The following KDM5B variants were observed in gnomAD, a reference collection of about 807,000 sequenced individuals.
KDM5B encodes the protein lysine-specific demethylase 5B.
A neutral mutation model predicts 193.4 loss-of-function variants in KDM5B; 144 were observed. The observed-to-expected ratio is 0.74, with a 90% CI of 0.65 to 0.86. The LOEUF is 0.86. Among genes scored for constraint, KDM5B ranks in the 40% least tolerant of loss-of-function variants. The pLI, the probability that KDM5B is intolerant of heterozygous loss-of-function variation, is 0.00. For synonymous variants in KDM5B, 668 were observed against 682.6 expected, an observed-to-expected ratio of 0.98 and a Z score of 0.33; for missense variants, 1,833 against 1,886.9, an observed-to-expected ratio of 0.97 and a Z score of 0.53.
At chr1:202,776,970 C>T (rs915146040) in intron 2 of KDM5B, 47 bp downstream of exon 2, 8 of 1,162,598 alleles carry the variant, frequency 6.9e-6, no homozygotes, top group East Asian at 4.7e-5. Context: ...ATTTCAAAGA[C>T]GGTCCCCCTG....
intron 1 of KDM5B, among the ~76,000 whole-genome samples, chr1:202,801,241 T>TA (rs1366718337): frequency 6.9e-6 from 1 of 145,600 alleles, no homozygotes; most frequent in Non-Finnish European, 1.5e-5. Context: ...GATTAGTTTT[T>TA]ATATCCGAAA....
At chr1:202,742,243 A>G in intron 18 of KDM5B, 148 bp downstream of exon 18, 1 of 581,580 alleles carries the variant, frequency 1.7e-6, no homozygotes, top group Non-Finnish European at 3.0e-6. Flanking sequence ...CTCTTTATAT[A>G]CATATACCAC....
intron 4 of KDM5B, among the ~76,000 whole-genome samples, chr1:202,771,351 C>T (rs1367684235): frequency 6.6e-6 from 1 of 151,336 alleles, no homozygotes. Flanking sequence ...CCTGCCTCAG[C>T]CTCCCAAGTA....
In KDM5B at chr1:202,741,565, T is replaced by G; in HGVS notation, c.2747A>C (p.Gln916Pro). The change falls in exon 19 of 27, where the codon CAA becomes CCA. Residue 916 changes from glutamine to proline, a missense_variant. Transcript: ENST00000367265. The stretch of plus-strand genomic sequence containing the variant: ...CTGCACCTCTTCTAGCCAACGGGCT[T>G]GTTCCAAACGGATACGCATCTCAGC... The part of the protein sequence containing the change: ...QLAEMRIRLE[Q>P]ARWLEEVQQA... 1 of 1,614,256 alleles carries G rather than the reference T, an allele frequency of 6.2e-7. No individual in the cohort carries two copies. Among genetic ancestry groups the G allele is most frequent in the Admixed American group, 1.7e-5 (1 of 60,032 alleles).
intron 24 of KDM5B, 139 bp from the exon 25 acceptor site, chr1:202,731,202 T>G: frequency 1.5e-6 from 1 of 650,342 alleles, no homozygotes; most frequent in Non-Finnish European, 2.5e-6. Flanking sequence ...TTACCTTCAG[T>G]TGAAGTGAGG....
At chr1:202,763,333 TTTAATCC>T (rs1656325522) in intron 6 of KDM5B, among the ~76,000 whole-genome samples, 1 of 152,204 alleles carries the variant, frequency 6.6e-6, no homozygotes, top group African/African-American at 2.4e-5. Context: ...CCATAAAGTA[TTTAATCC>T]TTCACAACAA....
At chr1:202,803,037 G>A (rs1344895698) in intron 1 of KDM5B, among the ~76,000 whole-genome samples, 1 of 151,874 alleles carries the variant, frequency 6.6e-6, no homozygotes, top group African/African-American at 2.4e-5. Context: ...CTGAGAAACC[G>A]CATCCCTACA....
At chr1:202,800,074 T>C (rs1658012218) in intron 1 of KDM5B, among the ~76,000 whole-genome samples, 1 of 152,234 alleles carries the variant, frequency 6.6e-6, no homozygotes, top group Admixed American at 6.5e-5. Flanking sequence ...AGACGGAGTC[T>C]TGCTCTGTCA....
chr1:202,729,568 T>A (rs1313462354), intron 26 of KDM5B, 139 bp downstream of exon 26: 1 of 684,688 alleles, frequency 1.5e-6, no homozygotes, highest in Non-Finnish European at 2.4e-6. Flanking sequence ...CAGATATCAG[T>A]GGGGGAAGGG....
chr1:202,760,663 A>C, intron 7 of KDM5B, 90 bp from the exon 8 acceptor site: 2 of 879,766 alleles, frequency 2.3e-6, no homozygotes, highest in Non-Finnish European at 3.4e-6. Context: ...TCTGAGACAT[A>C]ATCTAGTCTC....
Position 202,733,418 on chromosome 1 carries a change from C to T in KDM5B, c.3892G>A (p.Val1298Met), listed in dbSNP as rs766536259. ...AGATTCACCTTGTTTGTGTCTGACA[C>T]CTGTCCTGCTGAGGCTTGCCATCTG... ...YSRWQASAGQ[V>M]SDTNKVSQPP... is the part of the protein sequence containing the mutation. The change falls in exon 23 of 27, where the codon GTG becomes ATG. Residue 1298 changes from valine to methionine, a missense_variant. Physicochemically the swap from Val to Met is conservative, Grantham distance 21 (BLOSUM62 1). This residue lies in a region of KDM5B where 1,379 missense variants were observed against 1,349.6 expected (regional missense o/e 1.02). Coordinates refer to ENST00000367265, the MANE Select transcript of KDM5B (RefSeq NM_006618.5). 8.1e-6 allele frequency: 13 copies of T among 1,612,262 alleles called. No individual in the cohort carries two copies. The highest frequency in any genetic ancestry group is 1.0e-5 in the Non-Finnish European group (12 of 1,178,386).
intron 1 of KDM5B, among the ~76,000 whole-genome samples, chr1:202,787,311 A>AGTTTCG (rs1408264242): frequency 6.6e-6 from 1 of 152,054 alleles, no homozygotes; most frequent in African/African-American, 2.4e-5. Context: ...CATCCGACCA[A>AGTTTCG]GTTTCCCTTT....
At position 202,729,071 on chromosome 1, in the gene KDM5B, G is replaced by A. The variant is rs377525543; in HGVS notation, c.4600C>T (p.Arg1534Cys). ...MAEKEDYICV[R>C]CTVKDAPSRK is the part of the protein sequence containing the mutation. ...CTTGGTGCGTCCTTCACAGTACAGC[G>A]CACACAGATGTAGTCTTCTTTCTCT... The change falls in exon 27 of 27, where the codon CGC (arginine) becomes TGC (cysteine). Residue 1534 changes from arginine (R) to cysteine (C), a missense_variant. Arg to Cys is a radical substitution (Grantham distance 180). This residue lies in a region of KDM5B where 1,379 missense variants were observed against 1,349.6 expected (regional missense o/e 1.02). Coordinates refer to ENST00000367265, the MANE Select transcript of KDM5B (RefSeq NM_006618.5). 33 of 1,613,850 alleles carry A rather than the reference G, an allele frequency of 2.0e-5. No individual in the cohort carries two copies. The highest frequency in any genetic ancestry group is 4.5e-5 in the East Asian group (2 of 44,892).
At position 202,805,120 on chromosome 1, in the gene KDM5B, G is replaced by C. The variant is rs1658240491; in HGVS notation, c.204+2982C>G. On this transcript the variant is annotated intron_variant, in intron 1 of 26. Transcript: ENST00000367265. ...ACAGACATCTAAGTACAGTATCATG[G>C]AGGAAATTAAAAATTTGCATTTTAA... 2.6e-5 allele frequency among the ~76,000 whole-genome samples: 4 copies of C among 152,086 alleles called. No individual in the cohort carries two copies. The South Asian group carries it at 8.3e-4, about 32-fold the overall frequency.
chr1:202,738,798 C>T (rs1002662223), intron 20 of KDM5B, among the ~76,000 whole-genome samples: 4 of 152,066 alleles, frequency 2.6e-5, no homozygotes, highest in African/African-American at 7.2e-5. Flanking sequence ...TTCAGCCAGT[C>T]GTCTGAAAAC....
At chr1:202,731,790 T>C (rs1346883229) in intron 24 of KDM5B, 38 bp downstream of exon 24, 8 of 1,377,888 alleles carry the variant, frequency 5.8e-6, no homozygotes, top group Non-Finnish European at 7.3e-6. Context: ...AGATCACTCA[T>C]TACTATCCAG....
At chr1:202,806,864 G>A (rs950782532) in intron 1 of KDM5B, 10 of 152,262 alleles carry the variant, frequency 6.6e-5, no homozygotes, top group Non-Finnish European at 1.0e-4. Flanking sequence ...CAGCAGGAAA[G>A]GCAGTTAAAC....
In KDM5B at chr1:202,742,637, G is replaced by T. The variant is rs566422472; in HGVS notation, c.2474+18C>A. 3 of 1,612,348 alleles carry T rather than the reference G, an allele frequency of 1.9e-6. No individual in the cohort carries two copies. The highest frequency in any genetic ancestry group is 2.5e-6 in the Non-Finnish European group (3 of 1,178,934). On this transcript the variant is annotated intron_variant, in intron 17 of 26. Coordinates refer to ENST00000367265, the MANE Select transcript of KDM5B (RefSeq NM_006618.5). ...TAGGTGCCAAAGAATCCAAACTCAC[G>T]CAGTCAGAAGCGCATACCTAGTTTG...
chr1:202,778,579 GA>G (rs1252030799), intron 1 of KDM5B, among the ~76,000 whole-genome samples: 1 of 152,008 alleles, frequency 6.6e-6, no homozygotes, highest in Non-Finnish European at 1.5e-5. Context: ...AGCAAAAAAG[GA>G]AAAATGTACC....
Sources: allele counts gnomAD v4.1 joint callset (sites outside exome capture counted in the v4.1 genomes callset), GRCh38; gene constraint gnomAD v4.1.1; regional missense constraint gnomAD v4.1.1; transcripts MANE v1.5; gene names NCBI Gene and HGNC (gene_info 2026-07-23, HGNC 2026-07-21).